The following SYNPO variants were observed in gnomAD, a reference collection of about 807,000 sequenced individuals.
SYNPO encodes synaptopodin.
A neutral mutation model predicts 49.5 loss-of-function variants in SYNPO; 19 were observed. That is an observed-to-expected ratio of 0.38 (90% CI 0.27 to 0.56). The LOEUF is 0.56. Among genes scored for constraint, SYNPO ranks in the 20% least tolerant of loss-of-function variants. The pLI, the probability that SYNPO is intolerant of heterozygous loss-of-function variation, is 0.68. For synonymous variants in SYNPO, 536 were observed against 548.0 expected (o/e 0.98, Z 0.31); for missense variants, 1,131 against 1,248.3 (o/e 0.91, Z 1.42).
At chr5:150,613,924 C>T (rs952311008) in intron 1 of SYNPO, among the ~76,000 whole-genome samples, 11 of 152,288 alleles carry the variant, frequency 7.2e-5, no homozygotes, top group South Asian at 4.1e-4. Context: ...AAGGGAGGCT[C>T]TTTTGACCCA....
chr5:150,656,311 G>A, intron 2 of SYNPO, 93 bp from the exon 3 acceptor site: 1 of 1,079,374 alleles, frequency 9.3e-7, no homozygotes, highest in Non-Finnish European at 1.3e-6. Context: ...CCTTCTCGGT[G>A]TAATGGACAA....
intron 2 of SYNPO, among the ~76,000 whole-genome samples, chr5:150,655,047 C>T (rs1054402640): frequency 4.6e-4 from 70 of 152,298 alleles, no homozygotes; most frequent in African/African-American, 1.7e-3. Flanking sequence ...ATCACTTGAA[C>T]CCAGGAGGCA....
At chr5:150,628,190 T>C (rs888756009) in intron 2 of SYNPO, among the ~76,000 whole-genome samples, 1 of 152,154 alleles carries the variant, frequency 6.6e-6, no homozygotes, top group African/African-American at 2.4e-5. Flanking sequence ...ACACAAGCCC[T>C]CTGTTTGGAA....
the SYNPO span, among the ~76,000 whole-genome samples, chr5:150,590,852 AAGG>A: frequency 6.6e-6 from 1 of 152,170 alleles, no homozygotes; most frequent in African/African-American, 2.4e-5. Context: ...GGGGGCTTCT[AAGG>A]AGAAGAGGCT....
At chr5:150,656,289 A>G in intron 2 of SYNPO, 115 bp from the exon 3 acceptor site, 1 of 843,954 alleles carries the variant, frequency 1.2e-6, no homozygotes, top group Non-Finnish European at 1.8e-6. Flanking sequence ...CCTGACTTGG[A>G]TCGGTGGCTT....
chr5:150,593,529 T>C, the SYNPO span, among the ~76,000 whole-genome samples: 1 of 152,176 alleles, frequency 6.6e-6, no homozygotes, highest in South Asian at 2.1e-4. Context: ...TGATATGATC[T>C]CCGTTCACTG....
chr5:150,612,748 C>CA (rs1561634852), intron 1 of SYNPO, among the ~76,000 whole-genome samples: 5 of 152,160 alleles, frequency 3.3e-5, no homozygotes, highest in African/African-American at 1.2e-4. Flanking sequence ...CAGCTATTAT[C>CA]ATTGTTACTG....
chr5:150,628,892 A>C (rs1757450188), intron 2 of SYNPO, among the ~76,000 whole-genome samples: 1 of 152,236 alleles, frequency 6.6e-6, no homozygotes, highest in Non-Finnish European at 1.5e-5. Context: ...TGGGAGACGG[A>C]GTGAGACTCC....
intron 1 of SYNPO, among the ~76,000 whole-genome samples, chr5:150,616,468 T>C (rs1449633189): frequency 1.3e-5 from 2 of 152,236 alleles, no homozygotes; most frequent in Admixed American, 6.5e-5. Context: ...CCAAGTGTAA[T>C]TGGCCATCTG....
chr5:150,647,159 C>T (rs1254573861), intron 1 of SYNPO, among the ~76,000 whole-genome samples: 2 of 151,912 alleles, frequency 1.3e-5, no homozygotes, highest in Non-Finnish European at 2.9e-5. Context: ...AGGAGAATCA[C>T]TTGAACCTGG....
chr5:150,598,311 C>T (rs186904348), upstream of SYNPO, among the ~76,000 whole-genome samples: 22 of 152,354 alleles, frequency 1.4e-4, no homozygotes, highest in African/African-American at 4.8e-4. Flanking sequence ...CTCACTCCTC[C>T]AGGGGCTCAT....
At position 150,640,672 on chromosome 5, in the gene SYNPO, G is replaced by A. The variant is rs1000965431; in HGVS notation, c.-515G>A. ...AATCGGTTTTCCTGATAAAGAGCTG[G>A]GCTGAGTCATCTGTGGAGGAGAAAA... is the stretch of plus-strand genomic sequence containing the variant. On this transcript the variant is annotated 5_prime_UTR_variant, in exon 1 of 3. Coordinates refer to ENST00000307662, the MANE Select transcript of SYNPO (RefSeq NM_007286.6). 57 of 985,464 alleles carry A rather than the reference G, an allele frequency of 5.8e-5. No homozygotes were observed. The highest frequency in any genetic ancestry group is 6.3e-5 in the Non-Finnish European group (52 of 829,944). 61.0% of individuals were successfully genotyped at this position (985,464 alleles called of 1,614,324 possible). A position where few individuals can be genotyped will look rare whatever the true frequency, so the allele number is the denominator to read the frequency against.
chr5:150,594,338 T>C, the SYNPO span, among the ~76,000 whole-genome samples: 1 of 152,174 alleles, frequency 6.6e-6, no homozygotes, highest in Non-Finnish European at 1.5e-5. Context: ...TCCCCATCCC[T>C]GCCTTGCAGA....
At chr5:150,621,414 A>T (rs1322500205) in intron 2 of SYNPO, among the ~76,000 whole-genome samples, 1 of 152,116 alleles carries the variant, frequency 6.6e-6, no homozygotes, top group Non-Finnish European at 1.5e-5. Context: ...GGAGAGTCAA[A>T]ATCCGGTGGT....
chr5:150,625,798 G>T (rs1044145322), intron 2 of SYNPO, among the ~76,000 whole-genome samples: 5 of 152,126 alleles, frequency 3.3e-5, no homozygotes, highest in African/African-American at 1.2e-4. Flanking sequence ...CTCCGTCCAT[G>T]GGGTCCAGGT....
intron 1 of SYNPO, among the ~76,000 whole-genome samples, chr5:150,609,572 G>A (rs142388972): frequency 1.1e-3 from 168 of 152,342 alleles, no homozygotes; most frequent in African/African-American, 3.7e-3. Flanking sequence ...TGGGATTATC[G>A]GCGTGAGCCA....
intron 2 of SYNPO, among the ~76,000 whole-genome samples, chr5:150,627,465 G>A (rs1328711557): frequency 2.6e-5 from 4 of 152,136 alleles, no homozygotes; most frequent in African/African-American, 9.7e-5. Context: ...GTTGGGATGG[G>A]TGCTTAGACA....
At chr5:150,651,086 TA>T (rs1758363984) in intron 2 of SYNPO, 1 of 1,126,010 alleles carries the variant, frequency 8.9e-7, no homozygotes, top group Non-Finnish European at 1.1e-6. Context: ...GTCACCGCTC[TA>T]GGGGTGGGGG....
chr5:150,630,597 A>G (rs1757506061), intron 2 of SYNPO, among the ~76,000 whole-genome samples: 1 of 152,138 alleles, frequency 6.6e-6, no homozygotes, highest in South Asian at 2.1e-4. Context: ...ACCCAACCTG[A>G]GCCAGTTGGC....
Sources: allele counts gnomAD v4.1 joint callset (sites outside exome capture counted in the v4.1 genomes callset), GRCh38; gene constraint gnomAD v4.1.1; transcripts MANE v1.5; gene names NCBI Gene and HGNC (gene_info 2026-07-23, HGNC 2026-07-21).